The following ZNF254 variants were observed in gnomAD, a reference collection of about 807,000 sequenced individuals.
ZNF254 encodes the protein zinc finger protein 254.
Under a neutral mutation model 12.4 loss-of-function variants are expected in ZNF254, and 10 were observed. The observed-to-expected ratio is 0.80, with a 90% CI of 0.50 to 1.36. The LOEUF (loss-of-function observed/expected upper bound fraction) is 1.36. Among genes scored for constraint, ZNF254 ranks in the 40% most tolerant of loss-of-function variants. ZNF254 has a pLI of 0.00. For missense variants in ZNF254, 996 were observed against 763.9 expected, an observed-to-expected ratio of 1.30 and a Z score of -3.58; for synonymous variants, 305 against 253.4, an observed-to-expected ratio of 1.20 and a Z score of -1.93.
chr19:24,119,535 G>A (rs1272017746), intron 3 of ZNF254, among the ~76,000 whole-genome samples: 2 of 152,040 alleles, frequency 1.3e-5, no homozygotes, highest in Non-Finnish European at 2.9e-5. Flanking sequence ...TCTCAACCAG[G>A]CTGGTTTGCA....
intron 1 of ZNF254, among the ~76,000 whole-genome samples, chr19:24,096,740 G>C (rs1422318632): frequency 6.6e-6 from 1 of 152,174 alleles, no homozygotes; most frequent in African/African-American, 2.4e-5. Flanking sequence ...TTATCTGTTT[G>C]TTAGTGCCTG....
intron 3 of ZNF254, among the ~76,000 whole-genome samples, chr19:24,119,171 A>C (rs1974311582): frequency 6.6e-6 from 1 of 151,980 alleles, no homozygotes; most frequent in Non-Finnish European, 1.5e-5. Context: ...CATATGGTTT[A>C]AGGAAATAAA....
chr19:24,112,667 TC>T (rs1410385649), intron 3 of ZNF254, among the ~76,000 whole-genome samples: 1 of 152,062 alleles, frequency 6.6e-6, no homozygotes, highest in African/African-American at 2.4e-5. Flanking sequence ...GTCCTCCACA[TC>T]CCTTGTAAGT....
At position 24,126,279 on chromosome 19, in the gene ZNF254, C is replaced by A. The variant is rs73928543; in HGVS notation, c.279C>A (p.Asp93Glu). The change falls in exon 4 of 4, where the codon GAC becomes GAA. Residue 93 changes from aspartate to glutamate, a missense_variant. Coordinates refer to ENST00000357002, the MANE Select transcript of ZNF254 (RefSeq NM_203282.4). ...PPGMCPHFAQ[D>E]LWPEQGMEDS... The stretch of plus-strand genomic sequence containing the variant: ...GTATGTGTCCTCATTTTGCTCAAGA[C>A]CTTTGGCCAGAGCAGGGCATGGAAG... 2 of 1,514,256 alleles carry A rather than the reference C, an allele frequency of 1.3e-6. No individual in the cohort carries two copies. The highest frequency in any genetic ancestry group is 2.2e-5 in the Admixed American group (1 of 45,530). The allele number at this position is 1,514,256 out of a possible 1,614,324, so 93.8% of individuals were successfully genotyped here. A position where few individuals can be genotyped will look rare whatever the true frequency, so the allele number is the denominator to read the frequency against.
At chr19:24,085,570 G>A (rs892775000), upstream of ZNF254, among the ~76,000 whole-genome samples, 2 of 151,470 alleles carry the variant, frequency 1.3e-5, no homozygotes, top group Non-Finnish European at 2.9e-5. Flanking sequence ...TTAGGAGTTT[G>A]AGACCAGCCT....
chr19:24,100,318 A>G (rs1170705374), intron 1 of ZNF254, among the ~76,000 whole-genome samples: 2 of 151,564 alleles, frequency 1.3e-5, no homozygotes, highest in African/African-American at 4.9e-5. Flanking sequence ...GCAGGTAACA[A>G]CTGCTGCTAC....
intron 3 of ZNF254, among the ~76,000 whole-genome samples, chr19:24,119,118 C>CA (rs911666067): frequency 2.6e-5 from 4 of 151,268 alleles, no homozygotes; most frequent in African/African-American, 9.7e-5. Context: ...ACTTCAAAAA[C>CA]AAAAAAAGTT....
chr19:24,102,563 A>T (rs903536375), intron 1 of ZNF254, among the ~76,000 whole-genome samples: 2 of 152,164 alleles, frequency 1.3e-5, no homozygotes, highest in African/African-American at 4.8e-5. Flanking sequence ...GTTTTGCCTC[A>T]CAGAACTAAC....
At chr19:24,047,661 A>C (rs898010900) in intron 2 of ZNF254, among the ~76,000 whole-genome samples, 18 of 48,662 alleles carry the variant, frequency 3.7e-4, no homozygotes, top group Admixed American at 2.0e-3. Flanking sequence ...TTCTTTCTTT[A>C]TTCTACATTT....
At chr19:24,048,006 T>C (rs541209593) in intron 2 of ZNF254, among the ~76,000 whole-genome samples, 7 of 128,338 alleles carry the variant, frequency 5.5e-5, no homozygotes, top group African/African-American at 1.2e-4. Context: ...TTTTCTTCTT[T>C]TTTTTTTTTT....
chr19:24,089,846 T>G (rs576657099), intron 1 of ZNF254, among the ~76,000 whole-genome samples: 12 of 152,056 alleles, frequency 7.9e-5, no homozygotes, highest in African/African-American at 2.9e-4. Context: ...CCTGGTTTCC[T>G]TTAGAGAACA....
intron 1 of ZNF254, among the ~76,000 whole-genome samples, chr19:24,033,813 G>A (rs74568507): frequency 6.6e-6 from 1 of 152,190 alleles, no homozygotes; most frequent in East Asian, 1.9e-4. Flanking sequence ...TCCCTGCGGC[G>A]CCCAGTCTGG....
At position 24,126,652 on chromosome 19, in the gene ZNF254, A is replaced by T; in HGVS notation, c.652A>T (p.Thr218Ser). 2 of 1,611,792 alleles carry T rather than the reference A, an allele frequency of 1.2e-6. No homozygotes were observed. The highest frequency in any genetic ancestry group is 8.5e-7 in the Non-Finnish European group (1 of 1,179,390). ...CTACAAATGTAAAGAATGTGGAAAA[A>T]CCTTTAATTGGTCCTCAACCCTTAC... Reference protein sequence around the residue: ...KSYKCKECGKTFNWSSTLTNH... With the variant: ...KSYKCKECGKSFNWSSTLTNH... The change falls in exon 4 of 4, where the codon ACC becomes TCC. Residue 218 changes from threonine to serine, a missense_variant. Coordinates refer to ENST00000357002, the MANE Select transcript of ZNF254 (RefSeq NM_203282.4).
chr19:24,080,785 A>G (rs137967415), intron 2 of ZNF254: 2,319 of 151,014 alleles, frequency 0.015, 25 homozygotes, highest in Non-Finnish European at 0.024. Flanking sequence ...CTCAAAAAAA[A>G]AAAAAAAAAA....
chr19:24,080,540 T>A (rs1222728876), intron 2 of ZNF254: 1 of 152,088 alleles, frequency 6.6e-6, no homozygotes, highest in Non-Finnish European at 1.5e-5. Flanking sequence ...CAGTTAAGAA[T>A]ATGAAGTTTC....
chr19:24,105,837 T>C, intron 1 of ZNF254, 103 bp from the exon 2 acceptor site: 1 of 1,491,512 alleles, frequency 6.7e-7, no homozygotes, highest in East Asian at 2.6e-5. Flanking sequence ...ATCACTCTTA[T>C]AAGTCAGAAC....
intron 2 of ZNF254, among the ~76,000 whole-genome samples, chr19:24,072,466 C>T (rs961327715): frequency 3.3e-5 from 5 of 152,156 alleles, no homozygotes; most frequent in Non-Finnish European, 7.3e-5. Flanking sequence ...GCCACTGTGC[C>T]ACGCCTTATT....
intron 1 of ZNF254, chr19:24,091,907 T>C: frequency 2.4e-6 from 2 of 849,816 alleles, no homozygotes; most frequent in Non-Finnish European, 2.8e-6. Flanking sequence ...TGAGATGGAG[T>C]CTCGCTCTGT....
At chr19:24,107,464 T>G in intron 3 of ZNF254, 2 of 339,072 alleles carry the variant, frequency 5.9e-6, no homozygotes, top group Non-Finnish European at 1.1e-5. Flanking sequence ...TGTACATAAG[T>G]TTTTTTTTCC....
Sources: allele counts gnomAD v4.1 joint callset (sites outside exome capture counted in the v4.1 genomes callset), GRCh38; gene constraint gnomAD v4.1.1; transcripts MANE v1.5; gene names NCBI Gene and HGNC (gene_info 2026-07-23, HGNC 2026-07-21).